Variants in MALRD1 observed in about 807,000 individuals in gnomAD.
MALRD1 encodes the protein MAM and LDL receptor class A domain containing 1, also known as MAM and LDL-receptor class A domain-containing protein 1.
Under a neutral mutation model 242.1 loss-of-function variants are expected in MALRD1, and 247 were observed. The observed-to-expected ratio is 1.02, with a 90% CI of 0.92 to 1.13. The LOEUF (loss-of-function observed/expected upper bound fraction) is 1.13. MALRD1 is among the 50% of genes most tolerant of loss of function. The probability of loss-of-function intolerance (pLI) is 0.00; values close to 1 mark genes in which losing one functional copy is unlikely to be tolerated. For missense variants in MALRD1, 2,989 were observed against 2,533.1 expected (o/e 1.18, Z -3.86); for synonymous variants, 995 against 866.6 (o/e 1.15, Z -2.60).
chr10:19,291,342 T>C (rs1841412564), intron 21 of MALRD1: 1 of 152,128 alleles, frequency 6.6e-6, no homozygotes, highest in Non-Finnish European at 1.5e-5. Flanking sequence ...TATATAAATT[T>C]GCTTATACAT....
chr10:19,673,196 C>T (rs370607768), intron 36 of MALRD1, among the ~76,000 whole-genome samples: 16 of 152,098 alleles, frequency 1.1e-4, no homozygotes, highest in Non-Finnish European at 2.2e-4. Context: ...TCCTGGCTAA[C>T]ATGGTGAAAC....
intron 30 of MALRD1, among the ~76,000 whole-genome samples, chr10:19,494,325 A>T (rs2131229576): frequency 6.6e-6 from 1 of 152,306 alleles, no homozygotes; most frequent in Admixed American, 6.5e-5. Context: ...TTGCACACAG[A>T]AATAAGAAAG....
intron 38 of MALRD1, among the ~76,000 whole-genome samples, chr10:19,700,982 T>C (rs1413281220): frequency 2.6e-5 from 4 of 151,952 alleles, no homozygotes; most frequent in African/African-American, 9.7e-5. Flanking sequence ...ACCCCACCTC[T>C]ACAAAAAAAT....
chr10:19,047,075 C>A (rs1049956687), upstream of MALRD1, among the ~76,000 whole-genome samples: 5 of 152,160 alleles, frequency 3.3e-5, no homozygotes, highest in South Asian at 2.1e-4. Flanking sequence ...TTAGAATGAT[C>A]ACTCTACTCT....
intron 19 of MALRD1, among the ~76,000 whole-genome samples, chr10:19,263,583 A>G (rs1239092093): frequency 6.6e-6 from 1 of 152,108 alleles, no homozygotes; most frequent in Non-Finnish European, 1.5e-5. Context: ...ATGGTTTGGA[A>G]ATACTTTCTC....
intron 32 of MALRD1, among the ~76,000 whole-genome samples, chr10:19,534,811 T>C (rs1834581791): frequency 6.6e-6 from 1 of 152,140 alleles, no homozygotes; most frequent in Non-Finnish European, 1.5e-5. Flanking sequence ...ATTTTATATC[T>C]AGAAATTTAT....
At chr10:19,392,393 A>C (rs1846376529) in intron 28 of MALRD1, among the ~76,000 whole-genome samples, 2 of 152,114 alleles carry the variant, frequency 1.3e-5, no homozygotes, top group African/African-American at 2.4e-5. Flanking sequence ...TATTGAAATG[A>C]AGATCCCCCT....
At chr10:19,055,090 A>G (rs182820444) in intron 1 of MALRD1, among the ~76,000 whole-genome samples, 1 of 152,312 alleles carries the variant, frequency 6.6e-6, no homozygotes, top group Admixed American at 6.5e-5. Flanking sequence ...GATAAAAGCC[A>G]TTCTAACAGA....
chr10:19,125,259 CT>C (rs1324856021), intron 7 of MALRD1, among the ~76,000 whole-genome samples: 1 of 150,288 alleles, frequency 6.7e-6, no homozygotes, highest in Non-Finnish European at 1.5e-5. Context: ...TCGGCCAGCT[CT>C]TTCTTTCTCT....
chr10:19,370,519 A>G (rs1253082038), intron 26 of MALRD1, among the ~76,000 whole-genome samples: 2 of 152,178 alleles, frequency 1.3e-5, no homozygotes, highest in Non-Finnish European at 1.5e-5. Context: ...TAAAAGTACA[A>G]TTAATTTTTA....
intron 36 of MALRD1, among the ~76,000 whole-genome samples, chr10:19,623,077 T>G (rs1338306558): frequency 1.3e-5 from 2 of 152,056 alleles, no homozygotes; most frequent in African/African-American, 4.8e-5. Context: ...TTTCTCTATA[T>G]TATGAATGTA....
At chr10:19,584,564 G>C (rs1186381327) in intron 33 of MALRD1, among the ~76,000 whole-genome samples, 1 of 152,134 alleles carries the variant, frequency 6.6e-6, no homozygotes, top group East Asian at 1.9e-4. Flanking sequence ...CTGAGTTCTA[G>C]TTTGATTGCA....
chr10:19,148,788 A>AAATATAT lies in MALRD1; in HGVS notation c.1558+2445_1558+2446insATATATA, dbSNP rs1206724666. ...AAGGGCCAATTAAAAAAAAAAAAAA[A>AAATATAT]ATATATATATATATATATATATCTG... On this transcript the variant is annotated intron_variant, in intron 11 of 39. Coordinates refer to ENST00000454679, the MANE Select transcript of MALRD1 (RefSeq NM_001142308.3). Among the ~76,000 whole-genome samples, 177 of 88,020 alleles carry AAATATAT rather than the reference A, an allele frequency of 2.0e-3. 1 individual carries two copies. The highest frequency in any genetic ancestry group is 0.014 in the Middle Eastern group (2 of 142). 57.7% of individuals were successfully genotyped at this position (88,020 alleles called of 152,430 possible). A position where few individuals can be genotyped will look rare whatever the true frequency, so the allele number is the denominator to read the frequency against.
chr10:19,180,777 T>C (rs979015799), intron 14 of MALRD1, among the ~76,000 whole-genome samples: 1 of 152,052 alleles, frequency 6.6e-6, no homozygotes, highest in African/African-American at 2.4e-5. Flanking sequence ...CAAAATAAAA[T>C]AGCAACCTGC....
chr10:19,399,702 C>G (rs1846748810), intron 28 of MALRD1, among the ~76,000 whole-genome samples: 1 of 152,042 alleles, frequency 6.6e-6, no homozygotes, highest in South Asian at 2.1e-4. Context: ...CAAAACAATA[C>G]CATTTGTAAT....
At chr10:19,085,567 A>G (rs769298568) in intron 2 of MALRD1, among the ~76,000 whole-genome samples, 4 of 152,092 alleles carry the variant, frequency 2.6e-5, no homozygotes, top group African/African-American at 7.2e-5. Flanking sequence ...ACTTTCTACT[A>G]TAACCTGAAG....
chr10:19,366,821 T>A (rs1845130131), intron 26 of MALRD1, among the ~76,000 whole-genome samples: 2 of 152,076 alleles, frequency 1.3e-5, no homozygotes, highest in Admixed American at 6.6e-5. Context: ...TAAACAATTT[T>A]AAAATATGTA....
rs545913388 is a variant in MALRD1 at position 19,342,028 on chromosome 10, G to A, written c.3902-5743G>A. Among the ~76,000 whole-genome samples the A allele has an allele frequency of 2.0e-5, 3 of 152,138 alleles. No individual in the cohort carries two copies. In the South Asian group the frequency reaches 6.2e-4, roughly 32 times the overall value. On this transcript the variant is annotated intron_variant, in intron 24 of 39. Coordinates refer to ENST00000454679, the MANE Select transcript of MALRD1 (RefSeq NM_001142308.3). ...GCGTTCTCTAATTTCCAAGTAAACTGATGAATTCTGGGGGAGAAGGGACTG... is the reference window on the plus strand; with the variant it reads ...GCGTTCTCTAATTTCCAAGTAAACTAATGAATTCTGGGGGAGAAGGGACTG...
intron 38 of MALRD1, 120 bp downstream of exon 38, chr10:19,692,674 C>G: frequency 8.4e-6 from 6 of 713,974 alleles, no homozygotes; most frequent in Middle Eastern, 2.9e-4. Context: ...TAGTGTTTTG[C>G]TGCTTTATGG....
Sources: gnomAD v4.1 joint callset for allele counts (sites outside exome capture counted in the v4.1 genomes callset) on GRCh38, gnomAD v4.1.1 for gene constraint, MANE v1.5 for transcripts, NCBI Gene and HGNC (gene_info 2026-07-23, HGNC 2026-07-21) for gene names.